CYFIP2: variants seen among roughly 807,000 people sequenced by gnomAD.
The protein encoded by CYFIP2 is cytoplasmic FMR1 interacting protein 2, also known as cytoplasmic FMR1-interacting protein 2.
CYFIP2 carries 29 observed loss-of-function variants against 158.7 expected under a neutral mutation model. The observed-to-expected ratio is 0.18, with a 90% CI of 0.14 to 0.25. CYFIP2 has a LOEUF of 0.25. CYFIP2 is among the 10% of genes least tolerant of loss of function. The pLI is 1.00. For synonymous variants in CYFIP2, 585 were observed against 617.6 expected (o/e 0.95, Z 0.78); for missense variants, 852 against 1,639.5 (o/e 0.52, Z 8.29).
At chr5:157,374,704 A>G (rs566586029) in intron 26 of CYFIP2, among the ~76,000 whole-genome samples, 1 of 152,210 alleles carries the variant, frequency 6.6e-6, no homozygotes, top group Non-Finnish European at 1.5e-5. Flanking sequence ...CCAGGACACT[A>G]ACTGGATAGG....
chr5:157,386,544 C>T (rs147963722), intron 28 of CYFIP2, among the ~76,000 whole-genome samples: 63 of 152,256 alleles, frequency 4.1e-4, no homozygotes, highest in African/African-American at 1.4e-3. Context: ...ATGCCTTTTA[C>T]AATATTTATA....
At chr5:157,362,183 G>A (rs1763894757) in intron 26 of CYFIP2, among the ~76,000 whole-genome samples, 1 of 152,202 alleles carries the variant, frequency 6.6e-6, no homozygotes, top group Non-Finnish European at 1.5e-5. Context: ...AAAATTTAGG[G>A]TCAGCAGAAA....
intron 23 of CYFIP2, among the ~76,000 whole-genome samples, chr5:157,343,803 C>T (rs1762479614): frequency 6.6e-6 from 1 of 152,094 alleles, no homozygotes; most frequent in Admixed American, 6.5e-5. Flanking sequence ...CACATCCCAC[C>T]CTAGCTGAGA....
intron 9 of CYFIP2, among the ~76,000 whole-genome samples, chr5:157,309,110 GTTC>G (rs199859224): frequency 7.2e-5 from 11 of 152,160 alleles, no homozygotes; most frequent in East Asian, 1.9e-4. Context: ...TTAAGCTTCA[GTTC>G]TTCTTCTCTG....
intron 3 of CYFIP2, among the ~76,000 whole-genome samples, chr5:157,292,388 T>G (rs1757894979): frequency 1.3e-5 from 2 of 152,074 alleles, no homozygotes; most frequent in Non-Finnish European, 2.9e-5. Context: ...CCCGGCTAAC[T>G]TTGTATTTTT....
chr5:157,371,225 G>A (rs1764969051), intron 26 of CYFIP2, among the ~76,000 whole-genome samples: 1 of 152,166 alleles, frequency 6.6e-6, no homozygotes, highest in Non-Finnish European at 1.5e-5. Context: ...CTCCATATAA[G>A]GGAATGTTTA....
At chr5:157,342,997 CA>C in intron 23 of CYFIP2, 1 of 1,614,206 alleles carries the variant, frequency 6.2e-7, no homozygotes, top group Non-Finnish European at 8.5e-7. Context: ...GCATTTCCAC[CA>C]GGGGGAGCCC....
At chr5:157,342,648 GC>G in intron 23 of CYFIP2, 1 of 507,398 alleles carries the variant, frequency 2.0e-6, no homozygotes, top group South Asian at 4.0e-5. Flanking sequence ...GGACGCTGCT[GC>G]TGAGATGCCT....
intron 23 of CYFIP2, among the ~76,000 whole-genome samples, chr5:157,344,133 TTTTG>T (rs779777060): frequency 9.2e-5 from 14 of 152,238 alleles, no homozygotes; most frequent in East Asian, 3.9e-4. Flanking sequence ...TCTGCTCTTG[TTTTG>T]TTTGTTTGTT....
intron 5 of CYFIP2, among the ~76,000 whole-genome samples, chr5:157,298,692 C>T (rs376218426): frequency 6.6e-6 from 1 of 152,218 alleles, no homozygotes; most frequent in South Asian, 2.1e-4. Context: ...AGAAACCCCA[C>T]GCCCTTTGGC....
intron 28 of CYFIP2, 69 bp downstream of exon 28, chr5:157,383,428 C>G: frequency 1.4e-6 from 2 of 1,408,450 alleles, no homozygotes; most frequent in South Asian, 2.4e-5. Flanking sequence ...ACCAAACCCC[C>G]TCATTGTACA....
At chr5:157,333,085 G>A (rs754558382) in intron 20 of CYFIP2, among the ~76,000 whole-genome samples, 5 of 152,164 alleles carry the variant, frequency 3.3e-5, no homozygotes, top group South Asian at 2.1e-4. Flanking sequence ...CCGCCAGGCC[G>A]TTGGAATCCC....
chr5:157,363,602 G>A, intron 26 of CYFIP2: 1 of 152,896 alleles, frequency 6.5e-6, no homozygotes. Context: ...GGGGACAGAG[G>A]TTAGAGCCGT....
At chr5:157,348,739 T>C (rs138472803) in intron 23 of CYFIP2, among the ~76,000 whole-genome samples, 289 of 152,036 alleles carry the variant, frequency 1.9e-3, no homozygotes, top group African/African-American at 6.8e-3. Context: ...GTATTTTTAG[T>C]AGATATGAGA....
At chr5:157,357,622 A>G (rs781125438) in intron 23 of CYFIP2, among the ~76,000 whole-genome samples, 1 of 152,156 alleles carries the variant, frequency 6.6e-6, no homozygotes, top group Non-Finnish European at 1.5e-5. Flanking sequence ...TGAGGTCAGG[A>G]GTTTGAAACC....
chr5:157,381,119 A>G lies in CYFIP2; in HGVS notation c.3040-1471A>G, dbSNP rs559217633. The stretch of plus-strand genomic sequence containing the variant: ...AAACAGAGTGAAATAATACGGACCT[A>G]TATATCCGACCACCAGCTTAAGAAA... On this transcript the variant is annotated intron_variant, in intron 26 of 30. Transcript: ENST00000620254. Among the ~76,000 whole-genome samples the G allele has an allele frequency of 2.6e-5, 4 of 152,318 alleles. No homozygotes were observed. In the East Asian group the frequency reaches 7.7e-4, roughly 29 times the overall value.
At position 157,395,389 on chromosome 5, in the gene CYFIP2, A is replaced by G. The variant is rs2113583405; in HGVS notation, c.*2389A>G. On this transcript the variant is annotated 3_prime_UTR_variant, in exon 31 of 31. Coordinates refer to ENST00000620254, the MANE Select transcript of CYFIP2 (RefSeq NM_001037333.3). ...TGTCAAATGTACCATATTTGTATTAAGAGTTGTTGGGAATTTTTGTACAAT... is the reference window on the plus strand; with the variant it reads ...TGTCAAATGTACCATATTTGTATTAGGAGTTGTTGGGAATTTTTGTACAAT... 2.8e-6 allele frequency: 1 copy of G among 351,758 alleles called. No individual in the cohort carries two copies. Among genetic ancestry groups the G allele is most frequent in the East Asian group, 7.8e-5 (1 of 12,826 alleles). The allele number at this position is 351,758 out of a possible 1,614,324, so 21.8% of individuals were successfully genotyped here.
intron 21 of CYFIP2, among the ~76,000 whole-genome samples, chr5:157,333,774 G>C (rs1761657972): frequency 6.6e-6 from 1 of 152,170 alleles, no homozygotes; most frequent in Admixed American, 6.5e-5. Context: ...GCACAAGAGG[G>C]TTGGCTTCAC....
At chr5:157,296,066 C>A (rs1463786887) in intron 4 of CYFIP2, among the ~76,000 whole-genome samples, 1 of 152,204 alleles carries the variant, frequency 6.6e-6, no homozygotes, top group Admixed American at 6.5e-5. Context: ...GGAGAGCTTG[C>A]AGATAAATGT....
Sources: gnomAD v4.1 joint callset for allele counts (sites outside exome capture counted in the v4.1 genomes callset) on GRCh38, gnomAD v4.1.1 for gene constraint, MANE v1.5 for transcripts, NCBI Gene and HGNC (gene_info 2026-07-23, HGNC 2026-07-21) for gene names.